Variants in RNF2 observed in about 807,000 individuals in gnomAD.
The protein encoded by RNF2 is ring finger protein 2.
A neutral mutation model predicts 37.2 loss-of-function variants in RNF2; 6 were observed. The observed-to-expected ratio is 0.16, with a 90% CI of 0.09 to 0.32. The LOEUF (loss-of-function observed/expected upper bound fraction) is 0.32. RNF2 is among the 10% of genes least tolerant of loss of function. The probability of loss-of-function intolerance (pLI) is 1.00; values close to 1 mark genes in which losing one functional copy is unlikely to be tolerated. For missense variants in RNF2, 251 were observed against 404.0 expected (o/e 0.62, Z 3.25); for synonymous variants, 133 against 132.7 (o/e 1.00, Z -0.02).
intron 4 of RNF2, 53 bp downstream of exon 4, chr1:185,093,329 A>C: frequency 2.6e-6 from 4 of 1,517,662 alleles, no homozygotes. Flanking sequence ...ATACTTTATT[A>C]ACAATTAAAT....
At chr1:185,057,205 G>A (rs1436603724) in intron 1 of RNF2, among the ~76,000 whole-genome samples, 4 of 152,094 alleles carry the variant, frequency 2.6e-5, no homozygotes, top group African/African-American at 7.2e-5. Flanking sequence ...CAGTTACTAG[G>A]CAGGCTGATG....
rs188686859 is a variant in RNF2, at chr1:185,083,858, C to T, written c.-2-3694C>T. Among the ~76,000 whole-genome samples the T allele has an allele frequency of 6.1e-4, 91 of 149,782 alleles. No homozygotes were observed. The East Asian group carries it at 0.011, about 19-fold the overall frequency. ...TGGGACTCAAGTGATCTACCTGTCTCGGCCTCCCAAAGGGCTGGGATTACA... is the reference window on the plus strand; with the variant it reads ...TGGGACTCAAGTGATCTACCTGTCTTGGCCTCCCAAAGGGCTGGGATTACA... On this transcript the variant is annotated intron_variant, in intron 1 of 6. Transcript: ENST00000367510.
chr1:185,083,217 A>AT (rs1308750173), intron 1 of RNF2, among the ~76,000 whole-genome samples: 3 of 152,028 alleles, frequency 2.0e-5, no homozygotes, highest in Non-Finnish European at 4.4e-5. Flanking sequence ...ATATCTTTTG[A>AT]TTTTTTAAAA....
intron 5 of RNF2, among the ~76,000 whole-genome samples, chr1:185,098,666 A>G (rs887784297): frequency 6.6e-6 from 1 of 152,220 alleles, no homozygotes; most frequent in Non-Finnish European, 1.5e-5. Context: ...TATCTCCAGC[A>G]CACTGCTTGC....
At chr1:185,093,349 G>A in intron 4 of RNF2, 73 bp downstream of exon 4, 2 of 1,401,302 alleles carry the variant, frequency 1.4e-6, no homozygotes, top group Non-Finnish European at 2.0e-6. Flanking sequence ...TTTACTTTTT[G>A]AAAAAGGTAA....
intron 1 of RNF2, among the ~76,000 whole-genome samples, chr1:185,065,813 C>T (rs944715678): frequency 2.0e-5 from 3 of 152,228 alleles, no homozygotes; most frequent in Non-Finnish European, 4.4e-5. Flanking sequence ...ATGTCATCTA[C>T]AAAGATACTG....
At chr1:185,054,682 T>A (rs1052758763) in intron 1 of RNF2, among the ~76,000 whole-genome samples, 2 of 152,070 alleles carry the variant, frequency 1.3e-5, no homozygotes, top group Non-Finnish European at 2.9e-5. Context: ...TCTTTCTTTG[T>A]GGGTTTTTTA....
intron 1 of RNF2, among the ~76,000 whole-genome samples, chr1:185,085,102 A>G (rs1408554006): frequency 6.7e-6 from 1 of 149,850 alleles, no homozygotes; most frequent in Non-Finnish European, 1.5e-5. Flanking sequence ...TCAATAAAAA[A>G]TGGTTGCTTT....
chr1:185,052,600 T>C (rs1172182233), intron 1 of RNF2, among the ~76,000 whole-genome samples: 2 of 152,188 alleles, frequency 1.3e-5, no homozygotes, highest in African/African-American at 2.4e-5. Context: ...TTTGGAGTAA[T>C]GGAAATGTTT....
chr1:185,052,648 C>T (rs559592809), intron 1 of RNF2, among the ~76,000 whole-genome samples: 28 of 152,118 alleles, frequency 1.8e-4, no homozygotes, highest in Admixed American at 3.3e-4. Flanking sequence ...ACTGTGAATG[C>T]GCTAAATGCC....
At chr1:185,076,260 T>C (rs1010765665) in intron 1 of RNF2, among the ~76,000 whole-genome samples, 3 of 142,688 alleles carry the variant, frequency 2.1e-5, no homozygotes, top group African/African-American at 7.7e-5. Flanking sequence ...CTAGATCTTT[T>C]ATGGGTTGTT....
At chr1:185,081,087 A>G (rs1232097981) in intron 1 of RNF2, among the ~76,000 whole-genome samples, 1 of 152,202 alleles carries the variant, frequency 6.6e-6, no homozygotes, top group Non-Finnish European at 1.5e-5. Flanking sequence ...GTACAAAAGT[A>G]ATTGCGGTTT....
chr1:185,069,627 C>A (rs1399499619), intron 1 of RNF2, among the ~76,000 whole-genome samples: 1 of 152,076 alleles, frequency 6.6e-6, no homozygotes, highest in African/African-American at 2.4e-5. Flanking sequence ...ATACTTTAGC[C>A]CTATACTCTT....
intron 1 of RNF2, among the ~76,000 whole-genome samples, chr1:185,046,688 G>C (rs1650132392): frequency 6.6e-6 from 1 of 152,148 alleles, no homozygotes; most frequent in Non-Finnish European, 1.5e-5. Flanking sequence ...TATGCACTCA[G>C]TATTTTAGTA....
chr1:185,057,093 A>G (rs911072593), intron 1 of RNF2, among the ~76,000 whole-genome samples: 4 of 152,150 alleles, frequency 2.6e-5, no homozygotes, highest in African/African-American at 9.7e-5. Context: ...GGATCACTTG[A>G]GACTAGGAGT....
intron 1 of RNF2, chr1:185,046,091 G>A (rs949502148): frequency 3.4e-4 from 51 of 152,122 alleles, no homozygotes; most frequent in African/African-American, 1.2e-3. Flanking sequence ...TCGCCTCGCA[G>A]CTAGGGATGT....
At chr1:185,072,511 T>C (rs1305267314) in intron 1 of RNF2, among the ~76,000 whole-genome samples, 1 of 152,036 alleles carries the variant, frequency 6.6e-6, no homozygotes, top group Admixed American at 6.6e-5. Context: ...TTAGAATTTC[T>C]TTAGAATGCA....
At chr1:185,077,625 G>GTTTTTTTTTTTTTT (rs528747420) in intron 1 of RNF2, among the ~76,000 whole-genome samples, 15 of 115,660 alleles carry the variant, frequency 1.3e-4, no homozygotes, top group African/African-American at 4.6e-4. Context: ...AATTAACTTT[G>GTTTTTTTTTTTTTT]TTTTTTTTTT....
At chr1:185,071,381 C>T (rs570445750) in intron 1 of RNF2, among the ~76,000 whole-genome samples, 4 of 151,958 alleles carry the variant, frequency 2.6e-5, no homozygotes, top group Admixed American at 6.6e-5. Flanking sequence ...TTGGGAGATA[C>T]GTGACCCTCT....
Sources: gnomAD v4.1 joint callset for allele counts (sites outside exome capture counted in the v4.1 genomes callset) on GRCh38, gnomAD v4.1.1 for gene constraint, MANE v1.5 for transcripts, NCBI Gene and HGNC (gene_info 2026-07-23, HGNC 2026-07-21) for gene names.